The following LMNTD1 variants were observed in gnomAD, a reference collection of about 807,000 sequenced individuals.
LMNTD1 encodes lamin tail domain-containing protein 1.
A neutral mutation model predicts 50.9 loss-of-function variants in LMNTD1; 35 were observed. The observed-to-expected ratio is 0.69, with a 90% CI of 0.53 to 0.91. LMNTD1 has a LOEUF of 0.91. LMNTD1 is among the 40% of genes least tolerant of loss of function. The pLI, the probability that LMNTD1 is intolerant of heterozygous loss-of-function variation, is 0.00. For missense variants in LMNTD1, 470 were observed against 475.5 expected (o/e 0.99, Z 0.11); for synonymous variants, 153 against 161.9 (o/e 0.94, Z 0.42).
At chr12:25,570,240 C>A (rs185088074) in intron 1 of LMNTD1, among the ~76,000 whole-genome samples, 3 of 151,838 alleles carry the variant, frequency 2.0e-5, no homozygotes, top group Non-Finnish European at 4.4e-5. Flanking sequence ...ATAGTAGCTG[C>A]GAATAAAAAA....
intron 9 of LMNTD1, among the ~76,000 whole-genome samples, chr12:25,482,911 C>T (rs1301527434): frequency 2.6e-5 from 4 of 151,884 alleles, no homozygotes; most frequent in South Asian, 2.1e-4. Context: ...CACTTTGGAG[C>T]GTGTGTTCAC....
chr12:25,578,550 G>A (rs899845642), intron 1 of LMNTD1, among the ~76,000 whole-genome samples: 1 of 152,166 alleles, frequency 6.6e-6, no homozygotes, highest in African/African-American at 2.4e-5. Context: ...ATGTAAATGA[G>A]GGATCTGTTT....
At chr12:25,596,007 C>A (rs984175767) in intron 1 of LMNTD1, among the ~76,000 whole-genome samples, 2 of 151,968 alleles carry the variant, frequency 1.3e-5, no homozygotes, top group South Asian at 2.1e-4. Flanking sequence ...GGATAATTTC[C>A]TGGACATATA....
At chr12:25,570,867 A>G (rs139919773) in intron 1 of LMNTD1, among the ~76,000 whole-genome samples, 22 of 152,338 alleles carry the variant, frequency 1.4e-4, no homozygotes, top group African/African-American at 5.3e-4. Context: ...TCATTTGCAC[A>G]TTATGGGAAA....
intron 9 of LMNTD1, among the ~76,000 whole-genome samples, chr12:25,489,171 C>A (rs558495761): frequency 3.7e-4 from 56 of 152,070 alleles, no homozygotes; most frequent in South Asian, 1.7e-3. Flanking sequence ...TCGAGCTTCC[C>A]GGCTGCTTTG....
At chr12:25,622,463 G>GGGGCCC (rs1946491734) in intron 1 of LMNTD1, among the ~76,000 whole-genome samples, 1 of 111,218 alleles carries the variant, frequency 9.0e-6, no homozygotes, top group Non-Finnish European at 2.0e-5. Context: ...GAGTTTGTGA[G>GGGGCCC]CCCGCCCCCC....
At chr12:25,526,748 T>G in intron 5 of LMNTD1, 21 bp downstream of exon 5, 2 of 1,538,066 alleles carry the variant, frequency 1.3e-6, no homozygotes, top group Non-Finnish European at 1.8e-6. Flanking sequence ...TAATGTACAG[T>G]ATTTATACTC....
chr12:25,483,257 T>C (rs569803897), intron 9 of LMNTD1, among the ~76,000 whole-genome samples: 1 of 151,498 alleles, frequency 6.6e-6, no homozygotes, highest in Admixed American at 6.6e-5. Context: ...AAACCCTGTC[T>C]CTAAAAAAAT....
intron 1 of LMNTD1, among the ~76,000 whole-genome samples, chr12:25,579,137 C>T (rs1945162199): frequency 6.6e-6 from 1 of 152,182 alleles, no homozygotes; most frequent in East Asian, 1.9e-4. Flanking sequence ...TATGAGTTAT[C>T]TGTCAAGTAA....
At chr12:25,583,187 A>ACTTTT (rs1945378816) in intron 1 of LMNTD1, among the ~76,000 whole-genome samples, 1 of 9,408 alleles carries the variant, frequency 1.1e-4, no homozygotes. Context: ...GCGCCTGGCT[A>ACTTTT]ATTTTTTTTT....
intron 1 of LMNTD1, among the ~76,000 whole-genome samples, chr12:25,618,337 A>G (rs1223051074): frequency 1.3e-5 from 2 of 152,094 alleles, no homozygotes; most frequent in African/African-American, 2.4e-5. Flanking sequence ...TCTTAGAATC[A>G]TTCGTCAGGT....
At chr12:25,601,468 G>A (rs1181023911) in intron 1 of LMNTD1, among the ~76,000 whole-genome samples, 2 of 151,836 alleles carry the variant, frequency 1.3e-5, no homozygotes, top group Non-Finnish European at 2.9e-5. Flanking sequence ...GAGTATATTT[G>A]GATTATTTGT....
At chr12:25,644,902 C>A (rs1174478568) in intron 1 of LMNTD1, among the ~76,000 whole-genome samples, 1 of 152,146 alleles carries the variant, frequency 6.6e-6, no homozygotes, top group East Asian at 1.9e-4. Context: ...GAGATGAAGG[C>A]ACTCTTGTCC....
rs1399013872 is a variant in LMNTD1 at position 25,518,789 on chromosome 12, A to T, written c.1189+6T>A. On this transcript the variant is annotated splice_donor_region_variant and intron_variant, in intron 8 of 9. Coordinates refer to ENST00000458174, the MANE Select transcript of LMNTD1 (RefSeq NM_001145728.2). ...CTCCACTGGAACAAGCACTCTTTTA[A>T]CTGACCTGAGGCTCGATTAGGTCTG... The T allele has an allele frequency of 6.2e-7, 1 of 1,613,890 alleles. No individual in the cohort carries two copies. Among genetic ancestry groups the T allele is most frequent in the Admixed American group, 1.7e-5 (1 of 60,002 alleles).
chr12:25,527,675 TATATATACACACACACACACACACACAC>T (rs1383950165), intron 4 of LMNTD1, among the ~76,000 whole-genome samples: 96 of 21,966 alleles, frequency 4.4e-3, no homozygotes, highest in African/African-American at 0.011. Flanking sequence ...TATATATATA[TATATATACACACACACACACACACACAC>T]ACACACACAC....
At chr12:25,625,383 C>T (rs867300246) in intron 1 of LMNTD1, among the ~76,000 whole-genome samples, 2 of 152,202 alleles carry the variant, frequency 1.3e-5, no homozygotes, top group South Asian at 4.2e-4. Context: ...TAATAAAGAA[C>T]AGAACGAGCT....
At chr12:25,511,014 C>A (rs1019192065) in intron 8 of LMNTD1, among the ~76,000 whole-genome samples, 3 of 151,994 alleles carry the variant, frequency 2.0e-5, no homozygotes, top group African/African-American at 7.2e-5. Context: ...GAGAGGGGTT[C>A]TTTGGAGATA....
intron 4 of LMNTD1, among the ~76,000 whole-genome samples, chr12:25,542,151 G>A (rs1173133276): frequency 6.6e-6 from 1 of 151,816 alleles, no homozygotes. Flanking sequence ...AACCATTGTG[G>A]AAGTCAGTGT....
At chr12:25,517,038 C>G (rs1222792226) in intron 8 of LMNTD1, among the ~76,000 whole-genome samples, 5 of 121,704 alleles carry the variant, frequency 4.1e-5, no homozygotes, top group Non-Finnish European at 7.0e-5. Context: ...GAATGGCAAT[C>G]ATTAAAAAGT....
Sources: gnomAD v4.1 joint callset for allele counts (sites outside exome capture counted in the v4.1 genomes callset) on GRCh38, gnomAD v4.1.1 for gene constraint, MANE v1.5 for transcripts, NCBI Gene and HGNC (gene_info 2026-07-23, HGNC 2026-07-21) for gene names.